Variants in CD4 observed in about 807,000 individuals in gnomAD.
The protein encoded by CD4 is CD4 molecule.
A neutral mutation model predicts 50.5 loss-of-function variants in CD4; 25 were observed. The ratio of observed to expected loss-of-function variants is 0.49; its 90% confidence interval spans 0.36 to 0.69. CD4 has a LOEUF of 0.69. Among genes scored for constraint, CD4 ranks in the 30% least tolerant of loss-of-function variants. The probability of loss-of-function intolerance (pLI) is 0.00; values close to 1 mark genes in which losing one functional copy is unlikely to be tolerated. For synonymous variants in CD4, 207 were observed against 221.9 expected (o/e 0.93, Z 0.60); for missense variants, 456 against 548.5 (o/e 0.83, Z 1.68).
At chr12:6,810,179 C>T (rs1392076851) in intron 3 of CD4, among the ~76,000 whole-genome samples, 4 of 92 alleles carry the variant, frequency 0.043, no homozygotes, top group Admixed American at 0.25. Flanking sequence ...CGTGAGCCAC[C>T]GCACCTGCCA....
intron 3 of CD4, among the ~76,000 whole-genome samples, chr12:6,811,779 G>T (rs1555117039): frequency 6.6e-6 from 1 of 150,604 alleles, no homozygotes; most frequent in Non-Finnish European, 1.5e-5. Context: ...CCAAAGTGCT[G>T]GGATTTCAGG....
chr12:6,795,711 G>A (rs1274938734), intron 1 of CD4, among the ~76,000 whole-genome samples: 2 of 152,274 alleles, frequency 1.3e-5, no homozygotes, highest in African/African-American at 4.8e-5. Context: ...TGGAGGGGCA[G>A]GGCTGCAGGT....
rs1035500601 is a variant in CD4 at position 6,818,100 on chromosome 12, G to A, written c.1157-321G>A. Among the ~76,000 whole-genome samples the A allele has an allele frequency of 5.8e-5, 6 of 103,150 alleles. No homozygotes were observed. The highest frequency in any genetic ancestry group is 4.4e-4 in the East Asian group (1 of 2,280). The allele number at this position is 103,150 out of a possible 152,430, so 67.7% of individuals were successfully genotyped here. ...CACATGGACTCACACGCGCACACGC[G>A]CGCACACACACACATTCACACCATT... On this transcript the variant is annotated intron_variant, in intron 7 of 9. Coordinates refer to ENST00000011653, the MANE Select transcript of CD4 (RefSeq NM_000616.5). The surrounding 1 kb of genome is among the most constrained non-coding windows in gnomAD (Gnocchi z 5.0).
chr12:6,806,497 G>A (rs1555116207), intron 3 of CD4, among the ~76,000 whole-genome samples: 1 of 151,902 alleles, frequency 6.6e-6, no homozygotes, highest in African/African-American at 2.4e-5. Flanking sequence ...AGAATAATAA[G>A]AAAAGACAGT....
intron 3 of CD4, among the ~76,000 whole-genome samples, chr12:6,802,461 A>G (rs1555115507): frequency 6.6e-6 from 1 of 151,850 alleles, no homozygotes; most frequent in Admixed American, 6.6e-5. Flanking sequence ...GGTGCACGCC[A>G]CCATGTTCAC....
rs1446947693 is a variant in CD4 at position 6,820,561 on chromosome 12, C to G, written c.*1232C>G. On this transcript the variant is annotated 3_prime_UTR_variant, in exon 10 of 10. Coordinates refer to ENST00000011653, the MANE Select transcript of CD4 (RefSeq NM_000616.5). The stretch of plus-strand genomic sequence containing the variant: ...CAGACCATTCAGGACACAGGGAAAT[C>G]AGGGTTACAAATCTTCTTGATCCAC... 1 of 152,548 alleles carries G rather than the reference C, an allele frequency of 6.6e-6. No homozygotes were observed. The highest frequency in any genetic ancestry group is 1.5e-5 in the Non-Finnish European group (1 of 68,256). 9.4% of individuals were successfully genotyped at this position (152,548 alleles called of 1,614,324 possible).
intron 3 of CD4, among the ~76,000 whole-genome samples, chr12:6,808,004 C>T (rs782684504): frequency 3.6e-4 from 51 of 142,792 alleles, no homozygotes; most frequent in African/African-American, 1.2e-3. Flanking sequence ...TGCTTGAACC[C>T]GGGAGGTGGA....
rs200062430 is a variant in CD4 at position 6,817,234 on chromosome 12, C to A, written c.1060C>A (p.Arg354=). 9.3e-6 allele frequency: 15 copies of A among 1,611,566 alleles called. No homozygotes were observed. The highest frequency in any genetic ancestry group is 1.7e-6 in the Non-Finnish European group (2 of 1,178,700). The part of the protein sequence containing the change: ...LENKEAKVSK[R]EKAVWVLNPE... ...GAACAAGGAGGCAAAGGTCTCGAAG[C>A]GGGAGAAGGCGGTGTGGGTGCTGAA... Residue 354 remains arginine, a synonymous_variant, in exon 7 of 10, where the codon CGG becomes AGG. Coordinates refer to ENST00000011653, the MANE Select transcript of CD4 (RefSeq NM_000616.5).
chr12:6,811,807 G>A (rs28920476), intron 3 of CD4, among the ~76,000 whole-genome samples: 1,817 of 149,388 alleles, frequency 0.012, 33 homozygotes, highest in African/African-American at 0.042. Context: ...CACCGCACCC[G>A]GCCAAAAATT....
chr12:6,807,987 G>A (rs1942816063), intron 3 of CD4, among the ~76,000 whole-genome samples: 1 of 150,008 alleles, frequency 6.7e-6, no homozygotes, highest in African/African-American at 2.5e-5. Context: ...GGCTGAGGCA[G>A]GAGAATTGCT....
In CD4 at chr12:6,816,132, A is replaced by G; in HGVS notation, c.684A>G (p.Thr228=). The G allele has an allele frequency of 6.2e-7, 1 of 1,614,166 alleles. No individual in the cohort carries two copies. The highest frequency in any genetic ancestry group is 1.1e-5 in the South Asian group (1 of 91,082). ...AGTTCTCCTTCCCACTCGCCTTTAC[A>G]GTTGAAAAGCTGACGGGCAGTGGCG... ...QVEFSFPLAF[T]VEKLTGSGEL... Residue 228 remains threonine, a synonymous_variant, in exon 6 of 10, where the codon ACA becomes ACG. Coordinates refer to ENST00000011653, the MANE Select transcript of CD4 (RefSeq NM_000616.5). This position sits in a 1 kb window ranked among gnomAD's most constrained non-coding sequence, Gnocchi z 4.9.
At position 6,818,762 on chromosome 12, in the gene CD4, C is replaced by A; in HGVS notation, c.1279-85C>A. On this transcript the variant is annotated intron_variant, in intron 8 of 9. Transcript: ENST00000011653. The surrounding 1 kb of genome is among the most constrained non-coding windows in gnomAD (Gnocchi z 5.0). ...GGCCATGTAACTGCTTCTCCTGTCG[C>A]AGCTTCCCCCACTCCCCCCACCAAG... 3.0e-6 allele frequency: 4 copies of A among 1,315,880 alleles called. No individual in the cohort carries two copies. Among genetic ancestry groups the A allele is most frequent in the African/African-American group, 1.4e-5 (1 of 69,218 alleles). The allele number at this position is 1,315,880 out of a possible 1,614,324, so 81.5% of individuals were successfully genotyped here. A position where few individuals can be genotyped will look rare whatever the true frequency, so the allele number is the denominator to read the frequency against.
Position 6,819,332 on chromosome 12 carries a change from C to G in CD4, c.*3C>G, listed in dbSNP as rs200946562. On this transcript the variant is annotated 3_prime_UTR_variant, in exon 10 of 10. Coordinates refer to ENST00000011653, the MANE Select transcript of CD4 (RefSeq NM_000616.5). ...AGAAGACATGTAGCCCCATTTGAGG[C>G]ACGAGGCCAGGCAGATCCCACTTGC... 4 of 1,613,926 alleles carry G rather than the reference C, an allele frequency of 2.5e-6. No individual in the cohort carries two copies. The highest frequency in any genetic ancestry group is 1.3e-5 in the African/African-American group (1 of 74,908).
At chr12:6,802,603 T>C (rs1319685782) in intron 3 of CD4, among the ~76,000 whole-genome samples, 1 of 151,752 alleles carries the variant, frequency 6.6e-6, no homozygotes, top group Non-Finnish European at 1.5e-5. Context: ...CCACTGCATG[T>C]GGCCTATTTT....
intron 1 of CD4, among the ~76,000 whole-genome samples, chr12:6,796,695 C>T (rs1200142314): frequency 6.6e-6 from 1 of 152,178 alleles, no homozygotes; most frequent in Non-Finnish European, 1.5e-5. Context: ...TCCAGCTCTT[C>T]GACCTGCCTG....
intron 2 of CD4, 42 bp from the exon 3 acceptor site, chr12:6,800,265 C>T (rs782244672): frequency 5.6e-6 from 9 of 1,612,366 alleles, no homozygotes; most frequent in Middle Eastern, 1.6e-4. Flanking sequence ...TAGAGGGGGA[C>T]AGCGGCGACA....
chr12:6,819,261 G>A, intron 9 of CD4, 38 bp from the exon 10 acceptor site: 1 of 1,612,590 alleles, frequency 6.2e-7, no homozygotes, highest in East Asian at 2.2e-5. Flanking sequence ...GGGTTGCAGT[G>A]GGGACAGACC....
chr12:6,819,403 T>C lies in CD4; in HGVS notation c.*74T>C, dbSNP rs16932921. On this transcript the variant is annotated 3_prime_UTR_variant, in exon 10 of 10. Transcript: ENST00000011653. Reference sequence around the variant, plus strand: ...CCGCGTTTCCTGCCTGCGGACCAGATGAATGTAGCAGATCCCCAGCCTCTG... The same window carrying C: ...CCGCGTTTCCTGCCTGCGGACCAGACGAATGTAGCAGATCCCCAGCCTCTG... The C allele has an allele frequency of 7.8e-6, 11 of 1,418,780 alleles. No homozygotes were observed. In the East Asian group the frequency reaches 2.0e-4, roughly 26 times the overall value. The allele number at this position is 1,418,780 out of a possible 1,614,324, so 87.9% of individuals were successfully genotyped here.
At chr12:6,806,437 A>G (rs1942761107) in intron 3 of CD4, among the ~76,000 whole-genome samples, 1 of 152,114 alleles carries the variant, frequency 6.6e-6, no homozygotes, top group Non-Finnish European at 1.5e-5. Flanking sequence ...GTGAGCCAAG[A>G]TGTTGCCTGG....
Sources: allele counts gnomAD v4.1 joint callset (sites outside exome capture counted in the v4.1 genomes callset), GRCh38; gene constraint gnomAD v4.1.1; non-coding constraint Gnocchi (gnomAD v3.1); transcripts MANE v1.5; gene names NCBI Gene and HGNC (gene_info 2026-07-23, HGNC 2026-07-21).